KDM4B: variants seen among roughly 807,000 people sequenced by gnomAD.
The protein encoded by KDM4B is lysine-specific demethylase 4B.
In KDM4B, 32 loss-of-function variants were observed where a neutral mutation model predicts 125.2. The ratio of observed to expected loss-of-function variants is 0.26; its 90% CI spans 0.19 to 0.34. The LOEUF (loss-of-function observed/expected upper bound fraction) is 0.34. Among genes scored for constraint, KDM4B ranks in the 10% least tolerant of loss-of-function variants. The pLI, the probability that KDM4B is intolerant of heterozygous loss-of-function variation, is 1.00. For synonymous variants in KDM4B, 721 were observed against 677.9 expected (o/e 1.06, Z -0.99); for missense variants, 1,190 against 1,577.7 (o/e 0.75, Z 4.16).
chr19:5,087,170 G>A (rs549717460), intron 9 of KDM4B, among the ~76,000 whole-genome samples: 10 of 152,376 alleles, frequency 6.6e-5, no homozygotes, highest in South Asian at 4.1e-4. Context: ...GCAGAATGCC[G>A]TGGGCACACG....
At chr19:4,976,424 T>C (rs1352752249) in intron 1 of KDM4B, among the ~76,000 whole-genome samples, 1 of 152,142 alleles carries the variant, frequency 6.6e-6, no homozygotes, top group African/African-American at 2.4e-5. Context: ...CCAGACTCTC[T>C]TGCTCTGGGA....
intron 1 of KDM4B, among the ~76,000 whole-genome samples, chr19:4,981,887 T>C (rs1259678142): frequency 6.6e-6 from 1 of 152,198 alleles, no homozygotes; most frequent in African/African-American, 2.4e-5. Context: ...GTCACGTAAC[T>C]AAACACTACC....
intron 1 of KDM4B, among the ~76,000 whole-genome samples, chr19:5,010,900 G>A (rs140273587): frequency 2.6e-5 from 4 of 152,142 alleles, no homozygotes; most frequent in East Asian, 3.9e-4. Flanking sequence ...CACCTGCCTC[G>A]GCCTCCCAAA....
At chr19:4,977,467 T>C (rs418115) in intron 1 of KDM4B, among the ~76,000 whole-genome samples, 43,877 of 152,010 alleles carry the variant, frequency 0.29, 7,049 homozygotes, top group East Asian at 0.69. Context: ...GGTGGCAGGA[T>C]TTCCCCCTGC....
chr19:4,987,377 A>G (rs1308705286), intron 1 of KDM4B, among the ~76,000 whole-genome samples: 6 of 152,186 alleles, frequency 3.9e-5, no homozygotes, highest in Non-Finnish European at 8.8e-5. Context: ...GAAGGGGCTT[A>G]TCACAAGCTT....
At chr19:4,970,181 G>C (rs2034204807) in intron 1 of KDM4B, among the ~76,000 whole-genome samples, 1 of 152,188 alleles carries the variant, frequency 6.6e-6, no homozygotes, top group South Asian at 2.1e-4. Flanking sequence ...ACCTGGGCAC[G>C]GTGGAAGGTT....
chr19:5,128,245 C>T (rs999845296), intron 11 of KDM4B, among the ~76,000 whole-genome samples: 2 of 152,166 alleles, frequency 1.3e-5, no homozygotes, highest in Non-Finnish European at 2.9e-5. Flanking sequence ...GTTTCCTCCT[C>T]GCCTCCTTCC....
At chr19:5,016,490 G>A (rs1417272522) in intron 2 of KDM4B, among the ~76,000 whole-genome samples, 151 bp downstream of exon 2, 4 of 152,228 alleles carry the variant, frequency 2.6e-5, no homozygotes, top group African/African-American at 4.8e-5. Flanking sequence ...GTGCTTAGAC[G>A]GGAGCCTGCG....
chr19:5,012,024 C>T (rs940036041), intron 1 of KDM4B, among the ~76,000 whole-genome samples: 3 of 152,300 alleles, frequency 2.0e-5, no homozygotes, highest in South Asian at 4.1e-4. Context: ...ATCGGTAGCT[C>T]GTGCTGTTTG....
chr19:5,045,009 C>T (rs969502798), intron 5 of KDM4B, among the ~76,000 whole-genome samples: 2 of 152,230 alleles, frequency 1.3e-5, no homozygotes, highest in Non-Finnish European at 2.9e-5. Context: ...TTAAAGGACC[C>T]TTCCAAGTTT....
intron 1 of KDM4B, among the ~76,000 whole-genome samples, chr19:4,973,996 G>A (rs568081614): frequency 6.6e-5 from 10 of 151,900 alleles, no homozygotes; most frequent in East Asian, 1.9e-4. Context: ...TGGGCGTGGC[G>A]GTGCACACCT....
intron 7 of KDM4B, among the ~76,000 whole-genome samples, chr19:5,072,063 G>A (rs1170329540): frequency 1.3e-5 from 2 of 152,186 alleles, no homozygotes; most frequent in South Asian, 2.1e-4. Flanking sequence ...CTCAGCAAGC[G>A]ACAGCCACAG....
In KDM4B at chr19:5,142,149, C is replaced by G. The variant is rs551509909; in HGVS notation, c.2551-1818C>G. Among the ~76,000 whole-genome samples, 3 of 152,172 alleles carry G rather than the reference C, an allele frequency of 2.0e-5. No individual in the cohort carries two copies. Among genetic ancestry groups the G allele is most frequent in the African/African-American group, 7.2e-5 (3 of 41,446 alleles). On this transcript the variant is annotated intron_variant, in intron 18 of 22. Transcript: ENST00000159111. This position sits in a 1 kb window ranked among gnomAD's most constrained non-coding sequence, Gnocchi z 5.4. ...AGCCCACCCGCGTCGTCCTCACAGC[C>G]CTGTGGCCTCCGAGGAAGGACACCG... is the stretch of plus-strand genomic sequence containing the variant.
rs1401570646 is a variant in KDM4B at position 4,997,046 on chromosome 19, T to C, written c.-108-19211T>C. On this transcript the variant is annotated intron_variant, in intron 1 of 22. Coordinates refer to ENST00000159111, the MANE Select transcript of KDM4B (RefSeq NM_015015.3). This position sits in a 1 kb window ranked among gnomAD's most constrained non-coding sequence, Gnocchi z 4.2. ...TGTGGGTCTGGGTGAGTGGGTTCTT[T>C]GCATCCCTGGCCTCCACCCCCTCCA... Among the ~76,000 whole-genome samples the C allele has an allele frequency of 3.6e-4, 54 of 151,356 alleles. 1 individual carries two copies. Among genetic ancestry groups the C allele is most frequent in the Non-Finnish European group, 1.5e-5 (1 of 67,784 alleles).
At chr19:4,985,201 G>A (rs770321312) in intron 1 of KDM4B, among the ~76,000 whole-genome samples, 6 of 152,100 alleles carry the variant, frequency 3.9e-5, no homozygotes, top group Non-Finnish European at 1.5e-5. Context: ...GTGCACGCCC[G>A]CAGTCCCAGC....
intron 6 of KDM4B, among the ~76,000 whole-genome samples, chr19:5,064,268 G>A (rs369723406): frequency 1.8e-4 from 28 of 152,354 alleles, no homozygotes; most frequent in African/African-American, 2.9e-4. Flanking sequence ...TACTTCCAGC[G>A]TGACGTGCAC....
chr19:5,018,327 C>A (rs766776430), intron 2 of KDM4B, among the ~76,000 whole-genome samples: 1 of 152,196 alleles, frequency 6.6e-6, no homozygotes, highest in African/African-American at 2.4e-5. Context: ...CTCATCCTGC[C>A]GAAGTTCACC....
At chr19:5,037,209 G>A (rs2036656249) in intron 3 of KDM4B, among the ~76,000 whole-genome samples, 1 of 152,166 alleles carries the variant, frequency 6.6e-6, no homozygotes, top group Admixed American at 6.5e-5. Context: ...ATTTGGAGCC[G>A]GGCCAGGTTC....
chr19:5,092,712 C>T (rs1275150576), intron 9 of KDM4B, among the ~76,000 whole-genome samples: 6 of 152,018 alleles, frequency 3.9e-5, no homozygotes, highest in African/African-American at 1.2e-4. Context: ...GGGGCACTGG[C>T]GAGGGAGCCC....
Sources: allele counts gnomAD v4.1 joint callset (sites outside exome capture counted in the v4.1 genomes callset), GRCh38; gene constraint gnomAD v4.1.1; non-coding constraint Gnocchi (gnomAD v3.1); transcripts MANE v1.5; gene names NCBI Gene and HGNC (gene_info 2026-07-23, HGNC 2026-07-21).